PLCL1: variants seen among roughly 807,000 people sequenced by gnomAD.
PLCL1 encodes the protein phospholipase C like 1 (inactive).
A neutral mutation model predicts 84.4 loss-of-function variants in PLCL1; 41 were observed. That is an observed-to-expected ratio of 0.49 (90% CI 0.38 to 0.63). The LOEUF (loss-of-function observed/expected upper bound fraction) is 0.63. Ranked by LOEUF, PLCL1 falls within the 30% of genes least tolerant of loss-of-function variation. The pLI, the probability that PLCL1 is intolerant of heterozygous loss-of-function variation, is 0.00. For synonymous variants in PLCL1, 490 were observed against 488.3 expected, an observed-to-expected ratio of 1.00 and a Z score of -0.05; for missense variants, 1,206 against 1,367.8, an observed-to-expected ratio of 0.88 and a Z score of 1.87.
intron 5 of PLCL1, among the ~76,000 whole-genome samples, chr2:198,129,861 G>A (rs576523515): frequency 1.1e-4 from 14 of 123,616 alleles, no homozygotes; most frequent in African/African-American, 3.0e-4. Context: ...CTTCTTCCCC[G>A]ACACTCCATT....
intron 1 of PLCL1, among the ~76,000 whole-genome samples, chr2:198,004,352 C>T (rs1416676258): frequency 6.6e-6 from 1 of 152,092 alleles, no homozygotes. Flanking sequence ...GTGCCAATGC[C>T]AGGGAACATT....
chr2:197,877,801 C>T (rs10048735), intron 1 of PLCL1, among the ~76,000 whole-genome samples: 78,342 of 151,864 alleles, frequency 0.52, 21,106 homozygotes, highest in African/African-American at 0.66. Context: ...ATGAAATTAC[C>T]GTAGTTTTGT....
chr2:197,845,168 AT>A (rs1326761768), intron 1 of PLCL1, among the ~76,000 whole-genome samples: 1 of 152,104 alleles, frequency 6.6e-6, no homozygotes, highest in African/African-American at 2.4e-5. Flanking sequence ...AGGCAAAAAA[AT>A]GACACAAGAG....
At chr2:197,816,749 G>A (rs1456895266) in intron 1 of PLCL1, among the ~76,000 whole-genome samples, 1 of 152,114 alleles carries the variant, frequency 6.6e-6, no homozygotes, top group Non-Finnish European at 1.5e-5. Context: ...TTAGTGGTAG[G>A]AGAGATGATG....
At chr2:198,129,595 C>A (rs1406039037) in intron 5 of PLCL1, among the ~76,000 whole-genome samples, 1 of 152,176 alleles carries the variant, frequency 6.6e-6, no homozygotes, top group Non-Finnish European at 1.5e-5. Flanking sequence ...CCTCCTGAGG[C>A]TGTGTCACAG....
intron 1 of PLCL1, among the ~76,000 whole-genome samples, chr2:198,071,452 A>G (rs1315321946): frequency 6.6e-6 from 1 of 151,934 alleles, no homozygotes; most frequent in Non-Finnish European, 1.5e-5. Flanking sequence ...GTACAAGTTT[A>G]TATTCAATGT....
At chr2:197,818,056 G>C (rs116803161) in intron 1 of PLCL1, among the ~76,000 whole-genome samples, 1 of 151,950 alleles carries the variant, frequency 6.6e-6, no homozygotes, top group South Asian at 2.1e-4. Flanking sequence ...GATGATTGGC[G>C]TTAAAAGTAA....
chr2:197,987,045 G>A lies in PLCL1; in HGVS notation c.241-96713G>A, dbSNP rs907153463. ...TCATATCCCATGTTTTCTCTGCCAA[G>A]TTATTTTGTCTGATGTTAACTCTCC... On this transcript the variant is annotated intron_variant, in intron 1 of 5. Transcript: ENST00000428675. 4.6e-5 allele frequency among the ~76,000 whole-genome samples: 7 copies of A among 152,176 alleles called. No homozygotes were observed. The East Asian group carries it at 9.6e-4, about 21-fold the overall frequency.
chr2:198,109,949 A>T (rs1439135102), intron 5 of PLCL1, among the ~76,000 whole-genome samples: 4 of 151,422 alleles, frequency 2.6e-5, no homozygotes, highest in Non-Finnish European at 5.9e-5. Flanking sequence ...AAGAAATATA[A>T]TTAATAAATA....
In PLCL1 at chr2:197,897,185, TCTTCTCCTTCTCC is replaced by T. The variant is rs1203805823; in HGVS notation, c.240+91847_240+91859del. On this transcript the variant is annotated intron_variant, in intron 1 of 5. Transcript: ENST00000428675. Reference sequence around the variant, plus strand: ...TTCTTCTTCTTCTTCTTCTTCTTCTTCTTCTCCTTCTCCTTCTTCTTTCTTCTTCCTCTTCTTC... The same window carrying T: ...TTCTTCTTCTTCTTCTTCTTCTTCTTTTCTTCTTTCTTCTTCCTCTTCTTC... Among the ~76,000 whole-genome samples the T allele has an allele frequency of 1.1e-3, 42 of 37,354 alleles. 4 individuals carry two copies. The highest frequency in any genetic ancestry group is 4.3e-3 in the African/African-American group (40 of 9,318). The allele number at this position is 37,354 out of a possible 152,430, so 24.5% of individuals were successfully genotyped here. A position where few individuals can be genotyped will look rare whatever the true frequency, so the allele number is the denominator to read the frequency against.
chr2:197,822,547 TCTAAGCACTTTATGTGTATTAA>T (rs1208928958), intron 1 of PLCL1, among the ~76,000 whole-genome samples: 1 of 152,182 alleles, frequency 6.6e-6, no homozygotes, highest in African/African-American at 2.4e-5. Flanking sequence ...CAGACACTGT[TCTAAGCACTTTATGTGTATTAA>T]CTCTTACCAA....
intron 1 of PLCL1, among the ~76,000 whole-genome samples, chr2:197,923,035 A>G (rs1688744103): frequency 9.5e-6 from 1 of 105,618 alleles, no homozygotes; most frequent in Admixed American, 8.9e-5. Flanking sequence ...GGCCGGGCAG[A>G]GGCGCCCCTC....
At chr2:197,861,752 TG>T (rs945650788) in intron 1 of PLCL1, among the ~76,000 whole-genome samples, 7 of 152,166 alleles carry the variant, frequency 4.6e-5, no homozygotes, top group African/African-American at 1.7e-4. Flanking sequence ...ATTGCTTGCT[TG>T]GTGTATGGGG....
intron 1 of PLCL1, among the ~76,000 whole-genome samples, chr2:197,972,876 T>C (rs1689899614): frequency 6.6e-6 from 1 of 152,186 alleles, no homozygotes; most frequent in African/African-American, 2.4e-5. Context: ...ACCTTCCCCA[T>C]TGTCCCTTCC....
intron 1 of PLCL1, among the ~76,000 whole-genome samples, chr2:197,959,694 G>T (rs900439703): frequency 6.6e-6 from 1 of 151,896 alleles, no homozygotes; most frequent in African/African-American, 2.4e-5. Context: ...ATTACCAGAA[G>T]TTGCTAACAA....
chr2:197,827,920 C>G (rs1448408019), intron 1 of PLCL1, among the ~76,000 whole-genome samples: 1 of 151,792 alleles, frequency 6.6e-6, no homozygotes. Context: ...TTAACATGGT[C>G]AAGAGTCTAT....
chr2:197,830,014 T>C (rs1268106998), intron 1 of PLCL1, among the ~76,000 whole-genome samples: 1 of 152,160 alleles, frequency 6.6e-6, no homozygotes, highest in Non-Finnish European at 1.5e-5. Context: ...AATATAAAGA[T>C]GAAAACATCA....
chr2:197,855,189 C>T (rs957227343), intron 1 of PLCL1, among the ~76,000 whole-genome samples: 5 of 152,106 alleles, frequency 3.3e-5, no homozygotes, highest in South Asian at 2.1e-4. Context: ...TCCTTGCATC[C>T]GTGTTTGTGA....
intron 1 of PLCL1, among the ~76,000 whole-genome samples, chr2:197,895,543 T>C (rs1374626250): frequency 6.6e-6 from 1 of 152,014 alleles, no homozygotes; most frequent in African/African-American, 2.4e-5. Context: ...AAAATATAAG[T>C]ATATACTACT....
Sources: allele counts gnomAD v4.1 joint callset (sites outside exome capture counted in the v4.1 genomes callset), GRCh38; gene constraint gnomAD v4.1.1; transcripts MANE v1.5; gene names NCBI Gene and HGNC (gene_info 2026-07-23, HGNC 2026-07-21).